Variants in PDZD2 observed in about 807,000 individuals in gnomAD.
The protein encoded by PDZD2 is PDZ domain containing 2.
In PDZD2, 90 loss-of-function variants were observed where a neutral mutation model predicts 220.7. The ratio of observed to expected loss-of-function variants is 0.41; its 90% CI spans 0.34 to 0.49. The LOEUF (loss-of-function observed/expected upper bound fraction) is 0.49, where lower values mean the gene tolerates loss of function less well. PDZD2 is among the 20% of genes least tolerant of loss of function. The pLI, the probability that PDZD2 is intolerant of heterozygous loss-of-function variation, is 0.28. For missense variants in PDZD2, 3,174 were observed against 3,608.5 expected, an observed-to-expected ratio of 0.88 and a Z score of 3.08; for synonymous variants, 1,375 against 1,450.5, an observed-to-expected ratio of 0.95 and a Z score of 1.18.
At chr5:31,908,094 A>G (rs1476639184) in intron 2 of PDZD2, among the ~76,000 whole-genome samples, 1 of 142,078 alleles carries the variant, frequency 7.0e-6, no homozygotes, top group South Asian at 2.1e-4. Context: ...AAAAAAAAAA[A>G]AAAAAAAAAA....
rs78461179 is a variant in PDZD2 at position 31,687,417 on chromosome 5, C to T, written c.-361+47980C>T. ...GTTTCCAGTAACATAGTTCTGATTT[C>T]TGTCTGAGACCTCACCAGAATGATC... On this transcript the variant is annotated intron_variant, in intron 1 of 24. Transcript: ENST00000438447. Among the ~76,000 whole-genome samples the T allele has an allele frequency of 6.0e-3, 916 of 152,296 alleles. 10 individuals are homozygous for T. Among genetic ancestry groups the T allele is most frequent in the African/African-American group, 0.021 (863 of 41,546 alleles).
intron 1 of PDZD2, among the ~76,000 whole-genome samples, chr5:31,666,043 A>T (rs1443950631): frequency 6.6e-6 from 1 of 152,226 alleles, no homozygotes; most frequent in Non-Finnish European, 1.5e-5. Context: ...AGATCACATC[A>T]GTTCAGGAAC....
At chr5:31,954,133 A>AG (rs963057509) in intron 2 of PDZD2, among the ~76,000 whole-genome samples, 33 of 152,174 alleles carry the variant, frequency 2.2e-4, no homozygotes, top group African/African-American at 7.7e-4. Context: ...TAAAAAAAAA[A>AG]AGTGACAGGA....
At chr5:31,911,915 T>C (rs892075779) in intron 2 of PDZD2, among the ~76,000 whole-genome samples, 6 of 152,134 alleles carry the variant, frequency 3.9e-5, no homozygotes, top group African/African-American at 1.4e-4. Flanking sequence ...ATGCTTCTGA[T>C]TGGTAGAAAT....
In PDZD2 at chr5:32,010,423, G is replaced by A. The variant is rs751684308; in HGVS notation, c.1348G>A (p.Glu450Lys). 11 of 1,610,950 alleles carry A rather than the reference G, an allele frequency of 6.8e-6. No homozygotes were observed. In the Admixed American group the frequency reaches 1.0e-4, roughly 15 times the overall value. ...VEDVSSWTDN[E>K]DQEADGEEDE... The stretch of plus-strand genomic sequence containing the variant: ...AGATGTGTCCTCCTGGACTGATAAC[G>A]AAGACCAGGAGGCAGACGGGGAAGA... The change falls in exon 6 of 25, where the codon GAA becomes AAA. Residue 450 changes from glutamate (E) to lysine (K), a missense_variant. Transcript: ENST00000438447.
chr5:31,738,434 T>C (rs1750039516), intron 1 of PDZD2: 2 of 152,280 alleles, frequency 1.3e-5, no homozygotes, highest in African/African-American at 4.8e-5. Context: ...GGTGACACTA[T>C]AGCGCCAGTT....
chr5:32,004,717 C>T (rs1752669768), intron 5 of PDZD2, among the ~76,000 whole-genome samples: 1 of 152,214 alleles, frequency 6.6e-6, no homozygotes, highest in African/African-American at 2.4e-5. Flanking sequence ...TTCTCGTGCA[C>T]CAAGCTGCCT....
In PDZD2 at chr5:32,089,506, C is replaced by T. The variant is rs749198466; in HGVS notation, c.6058C>T (p.Pro2020Ser). ...DRGCPTTPKSPKCRAEGRAPR... is the reference protein window; with the variant it reads ...DRGCPTTPKSSKCRAEGRAPR... ...AGGTTGCCCAACCACCCCTAAATCT[C>T]CTAAGTGTAGAGCAGAGGGCAGGGC... is the stretch of plus-strand genomic sequence containing the variant. Residue 2020 changes from proline (P) to serine (S), a missense_variant, in exon 20 of 25, where the codon CCT becomes TCT. Physicochemically the swap from Pro to Ser is moderately conservative, Grantham distance 74. Coordinates refer to ENST00000438447, the MANE Select transcript of PDZD2 (RefSeq NM_178140.4). 6.2e-7 allele frequency: 1 copy of T among 1,613,082 alleles called. No homozygotes were observed. The highest frequency in any genetic ancestry group is 1.1e-5 in the South Asian group (1 of 91,080).
At chr5:31,849,957 TATATACAC>T (rs1241854230) in intron 2 of PDZD2, among the ~76,000 whole-genome samples, 1 of 21,334 alleles carries the variant, frequency 4.7e-5, no homozygotes, top group Admixed American at 5.7e-4. Context: ...TACATATATA[TATATACAC>T]ATATATATAT....
chr5:31,877,788 C>G (rs1205196835), intron 2 of PDZD2, among the ~76,000 whole-genome samples: 1 of 152,174 alleles, frequency 6.6e-6, no homozygotes, highest in Non-Finnish European at 1.5e-5. Context: ...CTCCCGGGTT[C>G]AAGTGATTAT....
At chr5:31,802,530 AGAAAATGTCAGG>A (rs146132933) in intron 2 of PDZD2, among the ~76,000 whole-genome samples, 1,958 of 152,302 alleles carry the variant, frequency 0.013, 36 homozygotes, top group African/African-American at 0.043. Flanking sequence ...TAGGAATAGG[AGAAAATGTCAGG>A]GAATAGACCA....
chr5:31,864,472 T>G lies in PDZD2; in HGVS notation c.476+64748T>G, dbSNP rs553402234. ...TCATATATAATCTTAATTGTCATGCTTGGCTCTAAAATGCCAGTTACGTTT... is the reference window on the plus strand; with the variant it reads ...TCATATATAATCTTAATTGTCATGCGTGGCTCTAAAATGCCAGTTACGTTT... On this transcript the variant is annotated intron_variant, in intron 2 of 24. Transcript: ENST00000438447. 1.6e-4 allele frequency among the ~76,000 whole-genome samples: 24 copies of G among 152,364 alleles called. No homozygotes were observed. In the South Asian group the frequency reaches 4.3e-3, roughly 28 times the overall value.
intron 1 of PDZD2, among the ~76,000 whole-genome samples, chr5:31,710,817 GAAAA>G (rs61278404): frequency 1.4e-5 from 2 of 140,244 alleles, no homozygotes; most frequent in African/African-American, 2.6e-5. Context: ...ACTCCGTCTT[GAAAA>G]AAAAAAAAAA....
In PDZD2 at chr5:31,849,891, CATATATATATAT is replaced by C. The variant is rs753523975; in HGVS notation, c.476+50169_476+50180del. The stretch of plus-strand genomic sequence containing the variant: ...ATATACATATATATATATATATACA[CATATATATATAT>C]ACATATATATATATACATATATATA... On this transcript the variant is annotated intron_variant, in intron 2 of 24. Transcript: ENST00000438447. 8.8e-4 allele frequency among the ~76,000 whole-genome samples: 15 copies of C among 17,044 alleles called. 2 individuals carry two copies. Among genetic ancestry groups the C allele is most frequent in the South Asian group, 1.9e-3 (1 of 528 alleles). 11.2% of individuals were successfully genotyped at this position (17,044 alleles called of 152,430 possible).
intron 1 of PDZD2, among the ~76,000 whole-genome samples, chr5:31,670,578 G>A (rs949447720): frequency 2.0e-5 from 3 of 151,984 alleles, no homozygotes; most frequent in Non-Finnish European, 4.4e-5. Flanking sequence ...CACCACGCCC[G>A]GCTAATTTTT....
At chr5:31,877,278 CA>C (rs1739387135) in intron 2 of PDZD2, among the ~76,000 whole-genome samples, 1 of 151,944 alleles carries the variant, frequency 6.6e-6, no homozygotes, top group Admixed American at 6.6e-5. Flanking sequence ...TGCAGCGGTG[CA>C]ATCTCGGCTT....
In PDZD2 at chr5:31,848,013, C is replaced by T. The variant is rs548556325; in HGVS notation, c.476+48289C>T. 2.9e-5 allele frequency: 11 copies of T among 384,124 alleles called. No homozygotes were observed. In the East Asian group the frequency reaches 6.4e-4, roughly 22 times the overall value. 23.8% of individuals were successfully genotyped at this position (384,124 alleles called of 1,614,324 possible). A position where few individuals can be genotyped will look rare whatever the true frequency, so the allele number is the denominator to read the frequency against. ...GCTCATGCTGCTATGCAAGAGAATC[C>T]AATCTATGAGAAGAAGCCTAAGAAA... On this transcript the variant is annotated intron_variant, in intron 2 of 24. Coordinates refer to ENST00000438447, the MANE Select transcript of PDZD2 (RefSeq NM_178140.4).
intron 19 of PDZD2, among the ~76,000 whole-genome samples, chr5:32,078,762 G>A (rs781136705): frequency 3.2e-4 from 49 of 150,964 alleles, no homozygotes; most frequent in Admixed American, 7.9e-4. Context: ...CTATGATCAC[G>A]CCACTACACT....
At chr5:31,848,558 G>A (rs1163962591) in intron 2 of PDZD2, among the ~76,000 whole-genome samples, 1 of 151,786 alleles carries the variant, frequency 6.6e-6, no homozygotes, top group African/African-American at 2.4e-5. Context: ...AGACCAGCCT[G>A]GCCAACATGG....
Sources: gnomAD v4.1 joint callset for allele counts (sites outside exome capture counted in the v4.1 genomes callset) on GRCh38, gnomAD v4.1.1 for gene constraint, MANE v1.5 for transcripts, NCBI Gene and HGNC (gene_info 2026-07-23, HGNC 2026-07-21) for gene names.